Variants in PRIMPOL observed in about 807,000 individuals in gnomAD.
The protein encoded by PRIMPOL is primase and DNA directed polymerase.
A neutral mutation model predicts 63.6 loss-of-function variants in PRIMPOL; 54 were observed. The observed-to-expected ratio is 0.85, with a 90% CI of 0.68 to 1.07. PRIMPOL has a LOEUF of 1.07. PRIMPOL is among the 50% of genes least tolerant of loss of function. PRIMPOL has a pLI of 0.00. For synonymous variants in PRIMPOL, 197 were observed against 220.2 expected (o/e 0.89, Z 0.93); for missense variants, 610 against 648.3 (o/e 0.94, Z 0.64).
In PRIMPOL at chr4:184,661,793, T is replaced by C. The variant is rs563689404; in HGVS notation, c.298T>C (p.Tyr100His). 9 of 1,610,458 alleles carry C rather than the reference T, an allele frequency of 5.6e-6. No homozygotes were observed. The highest frequency in any genetic ancestry group is 4.0e-5 in the African/African-American group (3 of 74,832). The change falls in exon 5 of 14, where the codon TAT becomes CAT. Residue 100 changes from tyrosine (Y) to histidine (H), a missense_variant. Physicochemically the swap from Tyr to His is moderately conservative, Grantham distance 83. Transcript: ENST00000314970. Reference protein sequence around the residue: ...YKSRKNLLHCYEVIPENAVCK... With the variant: ...YKSRKNLLHCHEVIPENAVCK... ...ATTTAGAAAAAATCTCTTACACTGC[T>C]ATGAAGTTATTCCTGAAAATGCTGT... is the stretch of plus-strand genomic sequence containing the variant.
intron 7 of PRIMPOL, among the ~76,000 whole-genome samples, chr4:184,677,477 T>G (rs1044611504): frequency 1.3e-5 from 2 of 152,158 alleles, no homozygotes; most frequent in African/African-American, 4.8e-5. Flanking sequence ...TCTGCTTCAT[T>G]GTTCTATTGA....
intron 6 of PRIMPOL, among the ~76,000 whole-genome samples, chr4:184,671,880 T>C (rs527535176): frequency 0.033 from 4,949 of 148,942 alleles, 239 homozygotes; most frequent in African/African-American, 0.11. Flanking sequence ...GTAGCTGGGA[T>C]TACAGGCGCA....
Position 184,659,348 on chromosome 4 carries a change from T to C in PRIMPOL, c.189T>C (p.His63=), listed in dbSNP as rs1342222215. The change falls in exon 4 of 14, where the codon CAT becomes CAC. Residue 63 remains histidine (H), a synonymous_variant. Coordinates refer to ENST00000314970, the MANE Select transcript of PRIMPOL (RefSeq NM_152683.4). ...NFVKSCKEDV[H]VFALECKVGD... The stretch of plus-strand genomic sequence containing the variant: ...TTTTTGATTTTATGCAGGACGTTCA[T>C]GTATTTGCTTTGGAATGCAAAGTAG... 3 of 1,612,508 alleles carry C rather than the reference T, an allele frequency of 1.9e-6. No homozygotes were observed. Among genetic ancestry groups the C allele is most frequent in the Admixed American group, 3.3e-5 (2 of 59,984 alleles).
intron 11 of PRIMPOL, among the ~76,000 whole-genome samples, chr4:184,689,446 CTTTTTTTTTTTTTTT>C (rs70962517): frequency 6.0e-5 from 3 of 50,250 alleles, no homozygotes; most frequent in African/African-American, 2.5e-4. Context: ...GTTAATGGTG[CTTTTTTTTTTTTTTT>C]TTTTTTTTTG....
Position 184,657,279 on chromosome 4 carries a change from C to G in PRIMPOL, c.139C>G (p.Arg47Gly). 2 of 1,612,986 alleles carry G rather than the reference C, an allele frequency of 1.2e-6. No individual in the cohort carries two copies. Among genetic ancestry groups the G allele is most frequent in the Non-Finnish European group, 1.7e-6 (2 of 1,179,598 alleles). ...ACCCTCCATCTGGAGACTATTTCATCGACAAGCTCAAGCTTTTAATTTTGT... is the reference window on the plus strand; with the variant it reads ...ACCCTCCATCTGGAGACTATTTCATGGACAAGCTCAAGCTTTTAATTTTGT... ...EPPSIWRLFHRQAQAFNFVKS... is the reference protein window; with the variant it reads ...EPPSIWRLFHGQAQAFNFVKS... The change falls in exon 3 of 14, where the codon CGA (arginine) becomes GGA (glycine). Residue 47 changes from arginine to glycine, a missense_variant. This residue lies in a region of PRIMPOL where 159 missense variants were observed against 168.9 expected (regional missense o/e 0.94). Coordinates refer to ENST00000314970, the MANE Select transcript of PRIMPOL (RefSeq NM_152683.4).
At chr4:184,686,086 C>A (rs1256863581) in intron 11 of PRIMPOL, among the ~76,000 whole-genome samples, 1 of 152,202 alleles carries the variant, frequency 6.6e-6, no homozygotes, top group East Asian at 1.9e-4. Flanking sequence ...AGGTGTGAGC[C>A]ACTGCACTCA....
intron 1 of PRIMPOL, among the ~76,000 whole-genome samples, chr4:184,650,527 T>C (rs999215680): frequency 1.5e-4 from 23 of 152,264 alleles, no homozygotes; most frequent in African/African-American, 4.6e-4. Flanking sequence ...AGTATGCTTG[T>C]TGGCAAATGC....
At position 184,682,248 on chromosome 4, in the gene PRIMPOL, G is replaced by T; in HGVS notation, c.1008G>T (p.Arg336Ser). ...YFLSSLVSNV[R>S]FSDTLRILTC... Reference sequence around the variant, plus strand: ...TTTCTTTTACCTATTTCTTCTTCAGGTTCTCAGATACTTTACGAATTCTTA... The same window carrying T: ...TTTCTTTTACCTATTTCTTCTTCAGTTTCTCAGATACTTTACGAATTCTTA... Residue 336 changes from arginine (R) to serine (S), a missense_variant and splice_region_variant, in exon 9 of 14, where the codon AGG (arginine) becomes AGT (serine). Arg to Ser is a moderately radical substitution (Grantham distance 110). Transcript: ENST00000314970. 1 of 1,554,168 alleles carries T rather than the reference G, an allele frequency of 6.4e-7. No individual in the cohort carries two copies.
chr4:184,691,542 C>A lies in PRIMPOL; in HGVS notation c.1339C>A (p.His447Asn). 6.2e-7 allele frequency: 1 copy of A among 1,606,540 alleles called. No homozygotes were observed. The highest frequency in any genetic ancestry group is 1.1e-5 in the South Asian group (1 of 90,700). ...AAATGAAGTTTGGTATCAAAAATGT[C>A]ATGACCCTGTATGTAAAGCAGAAAA... ...LKNEVWYQKC[H>N]DPVCKAENFK... The change falls in exon 12 of 14, where the codon CAT (histidine) becomes AAT (asparagine). Residue 447 changes from histidine to asparagine, a missense_variant. By Grantham distance (68) the His-to-Asn change is moderately conservative. Coordinates refer to ENST00000314970, the MANE Select transcript of PRIMPOL (RefSeq NM_152683.4).
rs180857998 is a variant in PRIMPOL at position 184,658,865 on chromosome 4, G to A, written c.181-475G>A. On this transcript the variant is annotated intron_variant, in intron 3 of 13. Transcript: ENST00000314970. The stretch of plus-strand genomic sequence containing the variant: ...AGAGGTTGCAGTGAGTCGAGATCAC[G>A]CCACTGCACTCCGGCCTGGGCAACA... 8.1e-5 allele frequency among the ~76,000 whole-genome samples: 12 copies of A among 148,166 alleles called. No homozygotes were observed. In the East Asian group the frequency reaches 1.6e-3, roughly 20 times the overall value.
At chr4:184,673,886 G>A (rs753112984) in intron 7 of PRIMPOL, among the ~76,000 whole-genome samples, 1 of 152,164 alleles carries the variant, frequency 6.6e-6, no homozygotes, top group Non-Finnish European at 1.5e-5. Flanking sequence ...AGCACCTCTG[G>A]CAATCAAGCA....
chr4:184,693,600 A>G (rs78397482), intron 13 of PRIMPOL, among the ~76,000 whole-genome samples: 1 of 152,114 alleles, frequency 6.6e-6, no homozygotes, highest in Non-Finnish European at 1.5e-5. Flanking sequence ...TATTGCACTG[A>G]TATTTCATTG....
chr4:184,674,430 G>A (rs1308795711), intron 7 of PRIMPOL, among the ~76,000 whole-genome samples: 1 of 151,994 alleles, frequency 6.6e-6, no homozygotes, highest in Non-Finnish European at 1.5e-5. Flanking sequence ...CCTCCTTCCG[G>A]TCCGGACCCT....
intron 8 of PRIMPOL, 58 bp downstream of exon 8, chr4:184,678,452 T>C (rs1754686473): frequency 8.1e-7 from 1 of 1,231,316 alleles, no homozygotes; most frequent in East Asian, 2.6e-5. Flanking sequence ...AAACAGTGAA[T>C]GGCATTGTAT....
intron 6 of PRIMPOL, among the ~76,000 whole-genome samples, chr4:184,669,305 G>A (rs1487414574): frequency 6.6e-6 from 1 of 152,192 alleles, no homozygotes; most frequent in Non-Finnish European, 1.5e-5. Context: ...CACAGAGCTG[G>A]CAGATGGCAA....
At chr4:184,672,141 T>C (rs1751948910) in intron 6 of PRIMPOL, 32 bp from the exon 7 acceptor site, 9 of 1,571,116 alleles carry the variant, frequency 5.7e-6, no homozygotes, top group South Asian at 1.2e-5. Context: ...GTGGAGAAGA[T>C]CCAGGTGAAT....
intron 3 of PRIMPOL, among the ~76,000 whole-genome samples, chr4:184,658,329 CAG>C (rs1291879231): frequency 1.3e-5 from 2 of 152,112 alleles, no homozygotes; most frequent in Admixed American, 1.3e-4. Flanking sequence ...AAAATACTGA[CAG>C]ATTCATTTGA....
intron 13 of PRIMPOL, among the ~76,000 whole-genome samples, chr4:184,693,039 T>C (rs1759303113): frequency 6.6e-6 from 1 of 152,198 alleles, no homozygotes; most frequent in South Asian, 2.1e-4. Flanking sequence ...TTCTCCTCTA[T>C]AGTGTTAATA....
chr4:184,683,285 T>C (rs1271298514), intron 9 of PRIMPOL, among the ~76,000 whole-genome samples: 1 of 152,018 alleles, frequency 6.6e-6, no homozygotes. Context: ...TAGCAGGGCA[T>C]GGTGGCGGGT....
Sources: allele counts gnomAD v4.1 joint callset (sites outside exome capture counted in the v4.1 genomes callset), GRCh38; gene constraint gnomAD v4.1.1; regional missense constraint gnomAD v4.1.1; transcripts MANE v1.5; gene names NCBI Gene and HGNC (gene_info 2026-07-23, HGNC 2026-07-21).